The following MAX variants were observed in gnomAD, a reference collection of about 807,000 sequenced individuals.
MAX encodes the protein protein max.
In MAX, 3 loss-of-function variants were observed where a neutral mutation model predicts 22.3. The ratio of observed to expected loss-of-function variants is 0.13; its 90% confidence interval spans 0.06 to 0.35. MAX has a LOEUF of 0.35. Among genes scored for constraint, MAX ranks in the 10% least tolerant of loss-of-function variants. The probability of loss-of-function intolerance (pLI) is 1.00; values close to 1 mark genes in which losing one functional copy is unlikely to be tolerated. For missense variants in MAX, 119 were observed against 209.4 expected (o/e 0.57, Z 2.66); for synonymous variants, 72 against 77.7 (o/e 0.93, Z 0.39).
chr14:65,092,571 C>A (rs2063539648), intron 3 of MAX, among the ~76,000 whole-genome samples: 1 of 152,136 alleles, frequency 6.6e-6, no homozygotes, highest in Non-Finnish European at 1.5e-5. Flanking sequence ...GTCATTAAAT[C>A]AAGTCCACAC....
intron 3 of MAX, chr14:65,083,846 G>A: frequency 8.4e-7 from 1 of 1,195,332 alleles, no homozygotes; most frequent in South Asian, 2.3e-5. Flanking sequence ...TGAAGGTAAA[G>A]GGAGGGCCCA....
chr14:65,060,891 A>AAAAAC (rs570164596), intron 3 of MAX, among the ~76,000 whole-genome samples: 4 of 141,616 alleles, frequency 2.8e-5, no homozygotes, highest in Non-Finnish European at 3.0e-5. Flanking sequence ...AAAAAAAAAA[A>AAAAAC]AAAACAGTTT....
At chr14:65,101,444 C>G in intron 2 of MAX, 102 bp downstream of exon 2, 1 of 1,091,634 alleles carries the variant, frequency 9.2e-7, no homozygotes, top group Non-Finnish European at 1.4e-6. Flanking sequence ...TTAGAGTTTA[C>G]TACAATATTA....
chr14:65,081,762 G>C (rs565356102), intron 3 of MAX, among the ~76,000 whole-genome samples: 19 of 152,270 alleles, frequency 1.2e-4, no homozygotes, highest in African/African-American at 4.1e-4. Flanking sequence ...GTCTGTCTTT[G>C]TGAACAGAAA....
chr14:65,054,513 G>A lies in MAX; in HGVS notation c.171+39195C>T. 3 of 1,518,752 alleles carry A rather than the reference G, an allele frequency of 2.0e-6. No homozygotes were observed. The highest frequency in any genetic ancestry group is 2.4e-5 in the East Asian group (1 of 41,524). The allele number at this position is 1,518,752 out of a possible 1,614,324, so 94.1% of individuals were successfully genotyped here. On this transcript the variant is annotated intron_variant, in intron 3 of 3. Transcript: ENST00000341653. This position sits in a 1 kb window ranked among gnomAD's most constrained non-coding sequence, Gnocchi z 4.4. Reference sequence around the variant, plus strand: ...CACCAGTGGTCTCTGAATTGGTGTGGCTACATTTGTAGATGTGTGCGGAGC... The same window carrying A: ...CACCAGTGGTCTCTGAATTGGTGTGACTACATTTGTAGATGTGTGCGGAGC...
At chr14:65,072,666 A>G (rs2063001325), downstream of MAX, among the ~76,000 whole-genome samples, 1 of 152,234 alleles carries the variant, frequency 6.6e-6, no homozygotes, top group South Asian at 2.1e-4. Flanking sequence ...AGCCCTGGGC[A>G]TGATCCAAGG....
intron 3 of MAX, among the ~76,000 whole-genome samples, chr14:65,035,991 C>G (rs1419812226): frequency 1.3e-5 from 2 of 152,024 alleles, no homozygotes; most frequent in African/African-American, 2.4e-5. Context: ...ACCACAACAC[C>G]TAGCTAATTT....
chr14:65,060,778 CAGG>C (rs966738153), intron 3 of MAX, among the ~76,000 whole-genome samples: 14 of 142,784 alleles, frequency 9.8e-5, no homozygotes, highest in African/African-American at 3.4e-4. Flanking sequence ...GAGGCTGAGG[CAGG>C]AGAATTGCTT....
rs1012883024 is a variant in MAX at position 65,069,296 on chromosome 14, G to A, written c.171+24412C>T. On this transcript the variant is annotated intron_variant, in intron 3 of 3. Transcript: ENST00000341653. The surrounding 1 kb of genome is among the most constrained non-coding windows in gnomAD (Gnocchi z 4.6). Reference sequence around the variant, plus strand: ...CAGCTAGATGGGGAGCCCAAGGCTGGGCTCTTGTGGGCAGGACAGAAGGAG... The same window carrying A: ...CAGCTAGATGGGGAGCCCAAGGCTGAGCTCTTGTGGGCAGGACAGAAGGAG... Among the ~76,000 whole-genome samples the A allele has an allele frequency of 6.6e-6, 1 of 152,152 alleles. No homozygotes were observed. Among genetic ancestry groups the A allele is most frequent in the African/African-American group, 2.4e-5 (1 of 41,424 alleles).
intron 3 of MAX, among the ~76,000 whole-genome samples, chr14:65,043,907 G>A (rs1457037038): frequency 4.0e-5 from 6 of 149,168 alleles, no homozygotes; most frequent in East Asian, 2.0e-4. Flanking sequence ...TAAACTCCCC[G>A]GAGCAGGGAA....
In MAX at chr14:65,076,137, C is replaced by A; in HGVS notation, c.*339G>T. 7.6e-7 allele frequency: 1 copy of A among 1,313,196 alleles called. No homozygotes were observed. The highest frequency in any genetic ancestry group is 9.7e-7 in the Non-Finnish European group (1 of 1,029,710). The allele number at this position is 1,313,196 out of a possible 1,614,324, so 81.3% of individuals were successfully genotyped here. ...CATGTGCCCGGCAGGGCTGGAGGAG[C>A]TGGTAGGGTGGGCAGGACACTATGT... On this transcript the variant is annotated 3_prime_UTR_variant, in exon 5 of 5. Coordinates refer to ENST00000358664, the MANE Select transcript of MAX (RefSeq NM_002382.5). The surrounding 1 kb of genome is among the most constrained non-coding windows in gnomAD (Gnocchi z 6.6).
At position 65,087,860 on chromosome 14, in the gene MAX, C is replaced by T. The variant is rs1020079131; in HGVS notation, c.171+5848G>A. On this transcript the variant is annotated intron_variant, in intron 3 of 4. Transcript: ENST00000358664. Reference sequence around the variant, plus strand: ...TTTGGCTGTGTCTCCACCCAAATCTCATCTTGAATTGTAATTCCCATGTGT... The same window carrying T: ...TTTGGCTGTGTCTCCACCCAAATCTTATCTTGAATTGTAATTCCCATGTGT... Among the ~76,000 whole-genome samples, 7 of 152,104 alleles carry T rather than the reference C, an allele frequency of 4.6e-5. No individual in the cohort carries two copies. In the East Asian group the frequency reaches 1.3e-3, roughly 29 times the overall value.
chr14:65,054,468 T>TGG lies in MAX; in HGVS notation c.171+39238_171+39239dup. 9.0e-7 allele frequency: 1 copy of TGG among 1,111,190 alleles called. No individual in the cohort carries two copies. The highest frequency in any genetic ancestry group is 1.3e-6 in the Non-Finnish European group (1 of 771,798). The allele number at this position is 1,111,190 out of a possible 1,614,324, so 68.8% of individuals were successfully genotyped here. On this transcript the variant is annotated intron_variant, in intron 3 of 3. Coordinates refer to the MAX transcript ENST00000341653. The surrounding 1 kb of genome is among the most constrained non-coding windows in gnomAD (Gnocchi z 4.4). ...ATGCCTCCTCTAGCCACATGGAGGA[T>TGG]GGGGGGGGACGTGTGATTGCACCAG...
intron 3 of MAX, among the ~76,000 whole-genome samples, chr14:65,025,919 T>C (rs1174426856): frequency 6.6e-6 from 1 of 152,224 alleles, no homozygotes; most frequent in Non-Finnish European, 1.5e-5. Flanking sequence ...GAAGTATGTG[T>C]TGTTTTAACC....
At position 65,047,966 on chromosome 14, in the gene MAX, G is replaced by A. The variant is rs1022654303; in HGVS notation, c.172-41682C>T. Among the ~76,000 whole-genome samples, 2 of 150,516 alleles carry A rather than the reference G, an allele frequency of 1.3e-5. No homozygotes were observed. Among genetic ancestry groups the A allele is most frequent in the Non-Finnish European group, 1.5e-5 (1 of 67,854 alleles). Reference sequence around the variant, plus strand: ...GAAGCAGACAGAAGACAGAAGGAGGGAGACTTTTTAGATTTTTTTTTTTTT... The same window carrying A: ...GAAGCAGACAGAAGACAGAAGGAGGAAGACTTTTTAGATTTTTTTTTTTTT... On this transcript the variant is annotated intron_variant, in intron 3 of 3. Coordinates refer to the MAX transcript ENST00000341653. This position sits in a 1 kb window ranked among gnomAD's most constrained non-coding sequence, Gnocchi z 5.2.
At chr14:65,036,663 C>A (rs1289093231) in intron 3 of MAX, among the ~76,000 whole-genome samples, 1 of 151,972 alleles carries the variant, frequency 6.6e-6, no homozygotes, top group Non-Finnish European at 1.5e-5. Context: ...CTTTTTCTAT[C>A]CCCATCCTGT....
Position 65,009,581 on chromosome 14 carries a change from G to T in MAX, c.172-3297C>A, listed in dbSNP as rs747943340. Among the ~76,000 whole-genome samples the T allele has an allele frequency of 4.0e-5, 6 of 151,894 alleles. No individual in the cohort carries two copies. Among genetic ancestry groups the T allele is most frequent in the African/African-American group, 7.3e-5 (3 of 41,324 alleles). Reference sequence around the variant, plus strand: ...AATGCAGCATCCTTCCTTATTCCAGGCTCACCTCTCCTACTATACCCTCAT... The same window carrying T: ...AATGCAGCATCCTTCCTTATTCCAGTCTCACCTCTCCTACTATACCCTCAT... On this transcript the variant is annotated intron_variant, in intron 3 of 3. Transcript: ENST00000341653. The surrounding 1 kb of genome is among the most constrained non-coding windows in gnomAD (Gnocchi z 4.2).
chr14:65,045,817 G>A (rs1239143418), intron 3 of MAX, among the ~76,000 whole-genome samples: 3 of 152,076 alleles, frequency 2.0e-5, no homozygotes, highest in Admixed American at 6.5e-5. Context: ...CCATTTTCCC[G>A]GCCTGGGCCC....
chr14:65,020,779 T>A (rs1347148375), intron 3 of MAX, among the ~76,000 whole-genome samples: 1 of 141,304 alleles, frequency 7.1e-6, no homozygotes, highest in Non-Finnish European at 1.5e-5. Flanking sequence ...GTTGCCAGGC[T>A]GTAGTGCAGT....
Sources: allele counts gnomAD v4.1 joint callset (sites outside exome capture counted in the v4.1 genomes callset), GRCh38; gene constraint gnomAD v4.1.1; non-coding constraint Gnocchi (gnomAD v3.1); transcripts MANE v1.5; gene names NCBI Gene and HGNC (gene_info 2026-07-23, HGNC 2026-07-21).